The following AUTS2 variants were observed in gnomAD, a reference collection of about 807,000 sequenced individuals.
AUTS2 encodes the protein activator of transcription and developmental regulator AUTS2.
AUTS2 carries 17 observed loss-of-function variants against 112.4 expected under a neutral mutation model. The ratio of observed to expected loss-of-function variants is 0.15; its 90% confidence interval spans 0.10 to 0.23. The LOEUF is 0.23. Among genes scored for constraint, AUTS2 ranks in the 10% least tolerant of loss-of-function variants. The pLI, the probability that AUTS2 is intolerant of heterozygous loss-of-function variation, is 1.00. For synonymous variants in AUTS2, 751 were observed against 702.7 expected (o/e 1.07, Z -1.09); for missense variants, 1,510 against 1,701.6 (o/e 0.89, Z 1.98).
rs114803578 is a variant in AUTS2 at position 69,826,108 on chromosome 7, T to C, written c.310-73178T>C. 2.9e-3 allele frequency among the ~76,000 whole-genome samples: 444 copies of C among 152,344 alleles called. 5 individuals are homozygous for C. Among genetic ancestry groups the C allele is most frequent in the African/African-American group, 0.01 (429 of 41,574 alleles). On this transcript the variant is annotated intron_variant, in intron 1 of 18. Coordinates refer to ENST00000342771, the MANE Select transcript of AUTS2 (RefSeq NM_015570.4). ...CAGGTCCTGCAGCTATAGTTATTCATGCAGGGAGAATTCTATGAACACAGG... is the reference window on the plus strand; with the variant it reads ...CAGGTCCTGCAGCTATAGTTATTCACGCAGGGAGAATTCTATGAACACAGG...
rs1451958294 is a variant in AUTS2 at position 70,004,335 on chromosome 7, GA to G, written c.522+104839del. ...TATATTATATATATAATATATATATGAATATATATTCATATATATATTATGT... is the reference window on the plus strand; with the variant it reads ...TATATTATATATATAATATATATATGATATATATTCATATATATATTATGT... On this transcript the variant is annotated intron_variant, in intron 2 of 18. Coordinates refer to ENST00000342771, the MANE Select transcript of AUTS2 (RefSeq NM_015570.4). 4.2e-5 allele frequency among the ~76,000 whole-genome samples: 5 copies of G among 119,956 alleles called. No homozygotes were observed. In the East Asian group the frequency reaches 1.1e-3, roughly 26 times the overall value. 78.7% of individuals were successfully genotyped at this position (119,956 alleles called of 152,430 possible). A position where few individuals can be genotyped will look rare whatever the true frequency, so the allele number is the denominator to read the frequency against.
chr7:70,486,908 C>CCCAA (rs1554410189), intron 5 of AUTS2, among the ~76,000 whole-genome samples: 46 of 118,860 alleles, frequency 3.9e-4, no homozygotes, highest in African/African-American at 1.4e-3. Flanking sequence ...CCCCCCCCCC[C>CCCAA]AAAAAAAAAG....
chr7:70,607,493 C>T (rs1252408612), intron 5 of AUTS2, among the ~76,000 whole-genome samples: 1 of 152,168 alleles, frequency 6.6e-6, no homozygotes, highest in Non-Finnish European at 1.5e-5. Context: ...ACGATGCAGA[C>T]GAGATGACTG....
chr7:70,089,837 C>T (rs867238860), intron 2 of AUTS2, among the ~76,000 whole-genome samples: 5 of 151,650 alleles, frequency 3.3e-5, no homozygotes, highest in East Asian at 3.9e-4. Flanking sequence ...GGCGAAACCC[C>T]GTCTACTAAA....
chr7:70,351,718 T>C (rs1021912052), intron 4 of AUTS2, among the ~76,000 whole-genome samples: 2 of 152,208 alleles, frequency 1.3e-5, no homozygotes, highest in African/African-American at 4.8e-5. Context: ...TTTTTCTTTT[T>C]TGATACGAAG....
intron 1 of AUTS2, among the ~76,000 whole-genome samples, chr7:69,841,326 C>T (rs1168235006): frequency 6.6e-6 from 1 of 152,064 alleles, no homozygotes; most frequent in East Asian, 1.9e-4. Flanking sequence ...CATCACATGA[C>T]GAAAGCAGGA....
At chr7:70,711,652 G>T (rs962199559) in intron 6 of AUTS2, among the ~76,000 whole-genome samples, 5 of 152,212 alleles carry the variant, frequency 3.3e-5, no homozygotes, top group Non-Finnish European at 5.9e-5. Flanking sequence ...TGACACCAGA[G>T]AATGACAGCT....
intron 2 of AUTS2, among the ~76,000 whole-genome samples, chr7:69,984,610 T>A (rs1798430934): frequency 6.6e-6 from 1 of 152,122 alleles, no homozygotes; most frequent in South Asian, 2.1e-4. Flanking sequence ...TCTTTGTTTG[T>A]CAATGAGGTC....
Position 70,593,572 on chromosome 7 carries a change from A to G in AUTS2, c.691-104997A>G, listed in dbSNP as rs182999608. ...CAAGGCCAGATTCTAGTCAGGTGAT[A>G]ATGGAATGAGAGTGTTCACTGCACA... On this transcript the variant is annotated intron_variant, in intron 5 of 18. Transcript: ENST00000342771. 4.5e-3 allele frequency among the ~76,000 whole-genome samples: 683 copies of G among 152,288 alleles called. 4 individuals carry two copies. Among genetic ancestry groups the G allele is most frequent in the Admixed American group, 0.01 (155 of 15,294 alleles).
intron 4 of AUTS2, among the ~76,000 whole-genome samples, chr7:70,351,961 C>T (rs1035839552): frequency 6.6e-6 from 1 of 152,160 alleles, no homozygotes; most frequent in Non-Finnish European, 1.5e-5. Flanking sequence ...TTTCGGCCTC[C>T]CAAAATGCTG....
intron 6 of AUTS2, among the ~76,000 whole-genome samples, chr7:70,754,994 G>GT (rs1789104677): frequency 6.6e-6 from 1 of 152,178 alleles, no homozygotes; most frequent in Non-Finnish European, 1.5e-5. Flanking sequence ...GGGAGAGTTG[G>GT]TTTTTTGTGT....
intron 2 of AUTS2, among the ~76,000 whole-genome samples, chr7:70,092,068 GACTCCTAAGTATTATTTTTAAT>G (rs61058737): frequency 0.36 from 55,057 of 151,224 alleles, 10,511 homozygotes; most frequent in African/African-American, 0.48. Context: ...ACAGGTCTGT[GACTCCTAAGTATTATTTTTAAT>G]ACTTAGGAGT....
intron 1 of AUTS2, among the ~76,000 whole-genome samples, chr7:69,806,234 A>C (rs1790301491): frequency 8.1e-6 from 1 of 124,208 alleles, no homozygotes; most frequent in Non-Finnish European, 1.6e-5. Flanking sequence ...TTTTTAAACC[A>C]GCGTCACAAC....
At chr7:70,434,050 C>T (rs1458365112) in intron 4 of AUTS2, among the ~76,000 whole-genome samples, 1 of 152,100 alleles carries the variant, frequency 6.6e-6, no homozygotes, top group Non-Finnish European at 1.5e-5. Context: ...GTCTTTTTGC[C>T]TCATTTTTGC....
chr7:70,157,962 G>A (rs547119162), intron 4 of AUTS2, among the ~76,000 whole-genome samples: 2 of 152,286 alleles, frequency 1.3e-5, no homozygotes, highest in South Asian at 4.2e-4. Context: ...GAGTACTGCT[G>A]TACAAACTGG....
chr7:69,795,009 G>A (rs1345654418), intron 1 of AUTS2, among the ~76,000 whole-genome samples: 1 of 152,108 alleles, frequency 6.6e-6, no homozygotes, highest in Non-Finnish European at 1.5e-5. Context: ...AGTTCCAATA[G>A]TGGCTCTTCT....
At chr7:69,627,085 C>T (rs1286194567) in intron 1 of AUTS2, among the ~76,000 whole-genome samples, 3 of 152,156 alleles carry the variant, frequency 2.0e-5, no homozygotes, top group Admixed American at 6.5e-5. Context: ...TTCATTCATT[C>T]GTCACTTTCT....
intron 1 of AUTS2, among the ~76,000 whole-genome samples, chr7:69,668,695 T>C (rs987107089): frequency 6.6e-6 from 1 of 152,244 alleles, no homozygotes; most frequent in Non-Finnish European, 1.5e-5. Flanking sequence ...AAGTCAGCTT[T>C]AGCCCTATGC....
At chr7:70,599,326 T>C (rs528199600) in intron 5 of AUTS2, among the ~76,000 whole-genome samples, 2 of 152,340 alleles carry the variant, frequency 1.3e-5, no homozygotes, top group African/African-American at 4.8e-5. Flanking sequence ...GACAGGGTAA[T>C]CTCAGTACCT....
Sources: gnomAD v4.1 joint callset for allele counts (sites outside exome capture counted in the v4.1 genomes callset) on GRCh38, gnomAD v4.1.1 for gene constraint, MANE v1.5 for transcripts, NCBI Gene and HGNC (gene_info 2026-07-23, HGNC 2026-07-21) for gene names.